The following DIDO1 variants were observed in gnomAD, a reference collection of about 807,000 sequenced individuals.
DIDO1 encodes death-inducer obliterator 1.
A neutral mutation model predicts 99.4 loss-of-function variants in DIDO1; 16 were observed. The observed-to-expected ratio is 0.16, with a 90% CI of 0.11 to 0.24. The LOEUF is 0.24. Ranked by LOEUF, DIDO1 falls within the 10% of genes least tolerant of loss-of-function variation. The pLI is 1.00. For synonymous variants in DIDO1, 1,366 were observed against 1,239.1 expected (o/e 1.10, Z -2.15); for missense variants, 2,996 against 3,014.0 (o/e 0.99, Z 0.14).
upstream of DIDO1, among the ~76,000 whole-genome samples, chr20:62,930,884 G>C (rs2147608164): frequency 6.6e-6 from 1 of 152,348 alleles, no homozygotes; most frequent in South Asian, 2.1e-4. Context: ...ACTGAATCTG[G>C]ATGTTATTCT....
rs145537752 is a variant in DIDO1 at position 62,911,975 on chromosome 20, C to T, written c.-2-361G>A. 1.3e-5 allele frequency among the ~76,000 whole-genome samples: 2 copies of T among 152,272 alleles called. No individual in the cohort carries two copies. The highest frequency in any genetic ancestry group is 3.9e-4 in the East Asian group (2 of 5,188). ...ATGTGAGTAAGGACGTGAGCAAGGACGCGAGCAGCTCGGAGGTGGCACGAG... is the reference window on the plus strand; with the variant it reads ...ATGTGAGTAAGGACGTGAGCAAGGATGCGAGCAGCTCGGAGGTGGCACGAG... On this transcript the variant is annotated intron_variant, in intron 2 of 15. Transcript: ENST00000395343. This position sits in a 1 kb window ranked among gnomAD's most constrained non-coding sequence, Gnocchi z 7.0.
chr20:62,923,397 G>A (rs1193921347), intron 1 of DIDO1, among the ~76,000 whole-genome samples: 1 of 151,866 alleles, frequency 6.6e-6, no homozygotes. Flanking sequence ...GGCTGGTCTT[G>A]AACTCCTGAC....
chr20:62,911,106 G>A lies in DIDO1; in HGVS notation c.507C>T (p.Arg169=). The part of the protein sequence containing the change: ...LTLKELQNRL[R]RKREQEPTER... ...CAGTGGGCTCCTGTTCCCGCTTCCT[G>A]CGAAGGCGATTCTGAAGCTCTTTCA... Residue 169 remains arginine, a synonymous_variant, in exon 3 of 16, where the codon CGC becomes CGT. Transcript: ENST00000395343. The surrounding 1 kb of genome is among the most constrained non-coding windows in gnomAD (Gnocchi z 7.0). 6 of 1,613,980 alleles carry A rather than the reference G, an allele frequency of 3.7e-6. No homozygotes were observed. Among genetic ancestry groups the A allele is most frequent in the Non-Finnish European group, 5.1e-6 (6 of 1,180,032 alleles).
rs764295008 is a variant in DIDO1, at chr20:62,879,554, C to T, written c.6402G>A (p.Glu2134=). The change falls in exon 16 of 16, where the codon GAG becomes GAA. Residue 2134 remains glutamate, a synonymous_variant. Coordinates refer to ENST00000395343, the MANE Select transcript of DIDO1 (RefSeq NM_001193369.2). This position sits in a 1 kb window ranked among gnomAD's most constrained non-coding sequence, Gnocchi z 6.3. Reference sequence around the variant, plus strand: ...AGTCCTTGTCCCGGTGTCGGTCCCACTCCCGGGGCCGGTCCCAGTCCCGCT... The same window carrying T: ...AGTCCTTGTCCCGGTGTCGGTCCCATTCCCGGGGCCGGTCCCAGTCCCGCT... The part of the protein sequence containing the change: ...SRERDWDRPR[E]WDRHRDKDSS... 1.2e-6 allele frequency: 2 copies of T among 1,600,864 alleles called. No homozygotes were observed. Among genetic ancestry groups the T allele is most frequent in the East Asian group, 2.2e-5 (1 of 44,834 alleles).
chr20:62,882,647 C>T (rs961040801), intron 15 of DIDO1, among the ~76,000 whole-genome samples: 1 of 152,192 alleles, frequency 6.6e-6, no homozygotes, highest in Admixed American at 6.5e-5. Flanking sequence ...ATGCACCAAC[C>T]CAGTCCTCCC....
chr20:62,885,214 G>A (rs533964629), intron 15 of DIDO1, among the ~76,000 whole-genome samples: 24 of 152,284 alleles, frequency 1.6e-4, no homozygotes, highest in Admixed American at 3.3e-4. Context: ...AACCTGACAC[G>A]GGGAACAGAC....
chr20:62,903,442 A>G (rs75087466), intron 6 of DIDO1, among the ~76,000 whole-genome samples: 2,174 of 152,302 alleles, frequency 0.014, 57 homozygotes, highest in African/African-American at 0.048. Flanking sequence ...GACCCACACC[A>G]GCCTCTCACT....
chr20:62,894,401 C>G lies in DIDO1; in HGVS notation c.2572+12G>C. 1 of 1,610,554 alleles carries G rather than the reference C, an allele frequency of 6.2e-7. No homozygotes were observed. The highest frequency in any genetic ancestry group is 2.2e-5 in the East Asian group (1 of 44,882). On this transcript the variant is annotated intron_variant, in intron 11 of 15. Transcript: ENST00000395343. This position sits in a 1 kb window ranked among gnomAD's most constrained non-coding sequence, Gnocchi z 4.4. ...CTCAGCTCCAAGGCTCCATCCCCTG[C>G]ACTGTGCTCACCTGTGCAAATTTTA...
chr20:62,920,383 G>A (rs199940950), intron 1 of DIDO1, among the ~76,000 whole-genome samples: 3 of 152,090 alleles, frequency 2.0e-5, no homozygotes, highest in African/African-American at 4.8e-5. Context: ...CCCAACCCCC[G>A]ATTTTCACTG....
rs1305264207 is a variant in DIDO1, at chr20:62,893,807, T to C, written c.2960A>G (p.Asp987Gly). The C allele has an allele frequency of 6.2e-7, 1 of 1,614,144 alleles. No homozygotes were observed. Among genetic ancestry groups the C allele is most frequent in the East Asian group, 2.2e-5 (1 of 44,886 alleles). The change falls in exon 12 of 16, where the codon GAC (aspartate) becomes GGC (glycine). Residue 987 changes from aspartate (D) to glycine (G), a missense_variant. This residue lies in a region of DIDO1 where 898 missense variants were observed against 972.7 expected (regional missense o/e 0.92). Transcript: ENST00000395343. ...TAVASAASRP[D>G]STHMVEARQD... is the part of the protein sequence containing the mutation. ...TCTGGCTTCCACCATGTGGGTGCTG[T>C]CTGGGCGGGATGCTGCGGAGGCCAC...
rs767359068 is a variant in DIDO1, at chr20:62,881,743, C to G, written c.4213G>C (p.Gly1405Arg). ...GCCCTTTCCACCTCGTGGCGCCGCCCTCGCTCCACAAGCTGAGTGTCGAAG... is the reference window on the plus strand; with the variant it reads ...GCCCTTTCCACCTCGTGGCGCCGCCGTCGCTCCACAAGCTGAGTGTCGAAG... ...RAFDTQLVER[G>R]RRHEVERAPE... Residue 1405 changes from glycine (G) to arginine (R), a missense_variant, in exon 16 of 16, where the codon GGG becomes CGG. Gly to Arg is a moderately radical substitution (Grantham distance 125, BLOSUM62 -2). Coordinates refer to ENST00000395343, the MANE Select transcript of DIDO1 (RefSeq NM_001193369.2). This position sits in a 1 kb window ranked among gnomAD's most constrained non-coding sequence, Gnocchi z 8.3. 6.2e-7 allele frequency: 1 copy of G among 1,613,114 alleles called. No homozygotes were observed. The highest frequency in any genetic ancestry group is 1.1e-5 in the South Asian group (1 of 91,084).
chr20:62,903,202 G>C (rs1182566017), intron 6 of DIDO1, among the ~76,000 whole-genome samples: 3 of 152,214 alleles, frequency 2.0e-5, no homozygotes, highest in African/African-American at 7.2e-5. Flanking sequence ...GTGAGGCTGT[G>C]AAGGACCTAC....
Position 62,894,241 on chromosome 20 carries a change from T to G in DIDO1, c.2573-47A>C. ...TCTGTGAGAAACCCAGCCGGCACAC[T>G]GGTGTTTCTCACACAAAGCCGAAAG... On this transcript the variant is annotated intron_variant, in intron 11 of 15. Transcript: ENST00000395343. This position sits in a 1 kb window ranked among gnomAD's most constrained non-coding sequence, Gnocchi z 4.4. 6.3e-7 allele frequency: 1 copy of G among 1,593,604 alleles called. No homozygotes were observed. Among genetic ancestry groups the G allele is most frequent in the Non-Finnish European group, 8.6e-7 (1 of 1,167,604 alleles).
rs560110900 is a variant in DIDO1 at position 62,896,023 on chromosome 20, C to T, written c.2214+210G>A. The stretch of plus-strand genomic sequence containing the variant: ...GACTTCAGGGAAGCCAGGAAGCGGA[C>T]GCGACCCTAGTTAAGGCAGGGAAGG... On this transcript the variant is annotated intron_variant, in intron 8 of 15. Transcript: ENST00000395343. This position sits in a 1 kb window ranked among gnomAD's most constrained non-coding sequence, Gnocchi z 4.4. 3.3e-5 allele frequency among the ~76,000 whole-genome samples: 5 copies of T among 152,192 alleles called. No homozygotes were observed. Among genetic ancestry groups the T allele is most frequent in the South Asian group, 2.1e-4 (1 of 4,822 alleles).
chr20:62,892,707 T>C, intron 13 of DIDO1, 102 bp downstream of exon 13: 1 of 1,420,900 alleles, frequency 7.0e-7, no homozygotes, highest in Non-Finnish European at 9.4e-7. Flanking sequence ...TTTCTGTTTC[T>C]CTCCTACCTC....
At position 62,882,135 on chromosome 20, in the gene DIDO1, T is replaced by C. The variant is rs2064219276; in HGVS notation, c.3821A>G (p.Lys1274Arg). The change falls in exon 16 of 16, where the codon AAA becomes AGA. Residue 1274 changes from lysine (K) to arginine (R), a missense_variant. This residue lies in a region of DIDO1 where 1,562 missense variants were observed against 1,412.6 expected (regional missense o/e 1.11). Coordinates refer to ENST00000395343, the MANE Select transcript of DIDO1 (RefSeq NM_001193369.2). ...PPPLPEPPVL[K>R]VLSSLKPAAP... The stretch of plus-strand genomic sequence containing the variant: ...TGCAGGTTTGAGGGATGACAGCACT[T>C]TTAGCACCGGTGGTTCTGGAAGAGG... 1 of 1,613,060 alleles carries C rather than the reference T, an allele frequency of 6.2e-7. No homozygotes were observed. The highest frequency in any genetic ancestry group is 8.5e-7 in the Non-Finnish European group (1 of 1,180,024).
chr20:62,878,479 AT>A lies in DIDO1; in HGVS notation c.*753del, dbSNP rs2064142267. 6.6e-6 allele frequency: 1 copy of A among 152,220 alleles called. No homozygotes were observed. The highest frequency in any genetic ancestry group is 1.5e-5 in the Non-Finnish European group (1 of 68,034). 9.4% of individuals were successfully genotyped at this position (152,220 alleles called of 1,614,324 possible). On this transcript the variant is annotated 3_prime_UTR_variant, in exon 16 of 16. Coordinates refer to ENST00000395343, the MANE Select transcript of DIDO1 (RefSeq NM_001193369.2). ...CGAAACTGGACCAACAAAACTCCTG[AT>A]TATTCAAATCAAGGACTCCTCCCTG...
chr20:62,909,271 A>T (rs2064872423), intron 4 of DIDO1, among the ~76,000 whole-genome samples: 1 of 152,246 alleles, frequency 6.6e-6, no homozygotes, highest in Non-Finnish European at 1.5e-5. Context: ...GAAATGTCAT[A>T]AACATCAGGG....
chr20:62,922,001 CTA>C lies in DIDO1; in HGVS notation c.-200+4436_-200+4437del, dbSNP rs750495857. ...TACATATGTCCACAATATATATACA[CTA>C]TATATATATCCACACAATATATATC... On this transcript the variant is annotated intron_variant, in intron 1 of 15. Coordinates refer to ENST00000395343, the MANE Select transcript of DIDO1 (RefSeq NM_001193369.2). Among the ~76,000 whole-genome samples, 380 of 149,248 alleles carry C rather than the reference CTA, an allele frequency of 2.5e-3. 1 individual carries two copies. The highest frequency in any genetic ancestry group is 3.8e-3 in the Non-Finnish European group (255 of 67,458).
Sources: gnomAD v4.1 joint callset for allele counts (sites outside exome capture counted in the v4.1 genomes callset) on GRCh38, gnomAD v4.1.1 for gene constraint, gnomAD v4.1.1 regional missense constraint, Gnocchi (gnomAD v3.1) non-coding constraint, MANE v1.5 for transcripts, NCBI Gene and HGNC (gene_info 2026-07-23, HGNC 2026-07-21) for gene names.